The following ZNF536 variants were observed in gnomAD, a reference collection of about 807,000 sequenced individuals.
The protein encoded by ZNF536 is zinc finger protein 536.
In ZNF536, 13 loss-of-function variants were observed where a neutral mutation model predicts 84.5. That is an observed-to-expected ratio of 0.15 (90% CI 0.10 to 0.24). The LOEUF (loss-of-function observed/expected upper bound fraction) is 0.24. ZNF536 is among the 10% of genes least tolerant of loss of function. The pLI is 1.00. For missense variants in ZNF536, 1,536 were observed against 1,747.5 expected (o/e 0.88, Z 2.16); for synonymous variants, 811 against 742.5 (o/e 1.09, Z -1.50).
At chr19:30,623,885 T>C (rs73031116) in intron 1 of ZNF536, among the ~76,000 whole-genome samples, 5,857 of 152,318 alleles carry the variant, frequency 0.038, 144 homozygotes, top group South Asian at 0.057. Flanking sequence ...GTGCATTTTG[T>C]ATAAATGAAT....
At chr19:30,679,959 C>G (rs746391961) in intron 1 of ZNF536, among the ~76,000 whole-genome samples, 3 of 151,836 alleles carry the variant, frequency 2.0e-5, no homozygotes, top group Non-Finnish European at 4.4e-5. Flanking sequence ...TCCATGCTGT[C>G]TTTACCCAGG....
intron 1 of ZNF536, 69 bp from the exon 2 acceptor site, chr19:30,443,492 G>GT (rs200359098): frequency 0.015 from 22,264 of 1,489,162 alleles, 213 homozygotes; most frequent in Middle Eastern, 0.031. Context: ...TTCCCTGCCC[G>GT]CCAATGCTGT....
In ZNF536 at chr19:30,485,149, C is replaced by CATAAATAAATAAATAAATAA. The variant is rs199876994; in HGVS notation, c.2170+39421_2170+39440dup. On this transcript the variant is annotated intron_variant, in intron 2 of 4. Coordinates refer to ENST00000355537, the MANE Select transcript of ZNF536 (RefSeq NM_014717.3). ...ACAGTGTGAGACTCTGTCTCAAAAACATAAATAAATAAATAAATAAATACA... is the reference window on the plus strand; with the variant it reads ...ACAGTGTGAGACTCTGTCTCAAAAACATAAATAAATAAATAAATAAATAAATAAATAAATAAATAAATACA... 5.3e-4 allele frequency among the ~76,000 whole-genome samples: 78 copies of CATAAATAAATAAATAAATAA among 146,370 alleles called. 1 individual carries two copies. The highest frequency in any genetic ancestry group is 7.2e-4 in the African/African-American group (27 of 37,332).
At chr19:30,567,828 G>C (rs1337951333) in intron 1 of ZNF536, among the ~76,000 whole-genome samples, 1 of 152,140 alleles carries the variant, frequency 6.6e-6, no homozygotes, top group African/African-American at 2.4e-5. Flanking sequence ...AATTACCTCT[G>C]TCAGGCAGGG....
chr19:30,329,528 A>G (rs1046713199), intron 2 of ZNF536, among the ~76,000 whole-genome samples: 1 of 152,144 alleles, frequency 6.6e-6, no homozygotes, highest in African/African-American at 2.4e-5. Flanking sequence ...ATCAACCAAT[A>G]CAATGCAACA....
intron 1 of ZNF536, among the ~76,000 whole-genome samples, chr19:30,706,280 T>A (rs954088076): frequency 1.3e-5 from 2 of 152,118 alleles, no homozygotes; most frequent in Admixed American, 6.5e-5. Context: ...GTCAGGAGAT[T>A]GAGACCATCC....
At chr19:30,538,573 C>T (rs538860982) in intron 3 of ZNF536, among the ~76,000 whole-genome samples, 1 of 152,274 alleles carries the variant, frequency 6.6e-6, no homozygotes, top group South Asian at 2.1e-4. Context: ...GCCTATGGGT[C>T]ACTAGGATGT....
chr19:30,301,452 A>G (rs1399534503), intron 2 of ZNF536, among the ~76,000 whole-genome samples: 1 of 152,144 alleles, frequency 6.6e-6, no homozygotes, highest in Non-Finnish European at 1.5e-5. Context: ...TAACTTTGTG[A>G]TTACAATTTA....
chr19:30,545,716 A>T (rs1479181076), intron 3 of ZNF536, among the ~76,000 whole-genome samples: 4 of 152,158 alleles, frequency 2.6e-5, no homozygotes, highest in South Asian at 2.1e-4. Flanking sequence ...CCTTTCAAAC[A>T]TGTATCCATT....
At chr19:30,234,771 A>ACGCG (rs1327339651) in intron 1 of ZNF536, among the ~76,000 whole-genome samples, 18 of 148,788 alleles carry the variant, frequency 1.2e-4, no homozygotes, top group Admixed American at 4.0e-4. Flanking sequence ...ACACACACAC[A>ACGCG]CACGCGCACA....
chr19:30,545,762 A>G (rs947003448), intron 3 of ZNF536, among the ~76,000 whole-genome samples: 2 of 152,156 alleles, frequency 1.3e-5, no homozygotes, highest in Non-Finnish European at 2.9e-5. Context: ...GCATCCCCAC[A>G]GTCCCCACCC....
At chr19:30,261,854 G>A (rs1366313648) in intron 1 of ZNF536, among the ~76,000 whole-genome samples, 1 of 152,154 alleles carries the variant, frequency 6.6e-6, no homozygotes, top group East Asian at 1.9e-4. Flanking sequence ...GCTGAGGGTG[G>A]CCAGTGTTTC....
intron 1 of ZNF536, among the ~76,000 whole-genome samples, chr19:30,690,901 G>T (rs971989247): frequency 6.6e-6 from 1 of 152,136 alleles, no homozygotes; most frequent in Admixed American, 6.6e-5. Flanking sequence ...TTTCCTTTTG[G>T]CAATGCTTGG....
At chr19:30,416,836 G>T (rs911706569) in intron 1 of ZNF536, among the ~76,000 whole-genome samples, 24 of 152,130 alleles carry the variant, frequency 1.6e-4, no homozygotes, top group African/African-American at 5.6e-4. Flanking sequence ...TTGGCTTTGA[G>T]GATGATGCTT....
At chr19:30,603,847 T>C (rs2047776785) in intron 1 of ZNF536, among the ~76,000 whole-genome samples, 1 of 152,134 alleles carries the variant, frequency 6.6e-6, no homozygotes, top group Admixed American at 6.5e-5. Context: ...CCCAGCACTT[T>C]GGGAGGCCTA....
intron 1 of ZNF536, among the ~76,000 whole-genome samples, chr19:30,654,811 C>T (rs1378945065): frequency 6.6e-6 from 1 of 152,130 alleles, no homozygotes; most frequent in African/African-American, 2.4e-5. Context: ...CTCTACACTT[C>T]AGCTGTGTCT....
chr19:30,525,422 T>C (rs16964273), intron 2 of ZNF536, among the ~76,000 whole-genome samples: 7,330 of 152,326 alleles, frequency 0.048, 501 homozygotes, highest in African/African-American at 0.16. Flanking sequence ...CCTTCCCTGA[T>C]GCTTTTATTT....
At chr19:30,497,890 T>G (rs906263174) in intron 2 of ZNF536, among the ~76,000 whole-genome samples, 1 of 152,184 alleles carries the variant, frequency 6.6e-6, no homozygotes, top group African/African-American at 2.4e-5. Context: ...CCTCACTTCC[T>G]GAAGTTTCAG....
At chr19:30,561,806 C>A (rs761387650), downstream of ZNF536, among the ~76,000 whole-genome samples, 1 of 152,216 alleles carries the variant, frequency 6.6e-6, no homozygotes. Context: ...TGAGAGAAAG[C>A]CCTCAGGCAG....
Sources: gnomAD v4.1 joint callset for allele counts (sites outside exome capture counted in the v4.1 genomes callset) on GRCh38, gnomAD v4.1.1 for gene constraint, MANE v1.5 for transcripts, NCBI Gene and HGNC (gene_info 2026-07-23, HGNC 2026-07-21) for gene names.